Variants in STAMBP observed in about 807,000 individuals in gnomAD.
STAMBP encodes the protein STAM binding protein.
A neutral mutation model predicts 50.7 loss-of-function variants in STAMBP; 31 were observed. That is an observed-to-expected ratio of 0.61 (90% CI 0.46 to 0.83). STAMBP has a LOEUF of 0.83. Ranked by LOEUF, STAMBP falls within the 40% of genes least tolerant of loss-of-function variation. The probability of loss-of-function intolerance (pLI) is 0.00; values close to 1 mark genes in which losing one functional copy is unlikely to be tolerated. For synonymous variants in STAMBP, 211 were observed against 192.4 expected (o/e 1.10, Z -0.80); for missense variants, 472 against 518.9 (o/e 0.91, Z 0.88).
chr2:73,871,578 A>G (rs1277263744), downstream of STAMBP, among the ~76,000 whole-genome samples: 3 of 151,766 alleles, frequency 2.0e-5, no homozygotes, highest in Admixed American at 2.0e-4. Context: ...TTTTAATTGC[A>G]CTGACAGAAA....
intron 8 of STAMBP, 49 bp downstream of exon 8, chr2:73,859,415 A>G: frequency 7.0e-7 from 1 of 1,419,628 alleles, no homozygotes; most frequent in Non-Finnish European, 1.0e-6. Context: ...GTAGTAGGGA[A>G]GAAAGCCTCA....
chr2:73,859,380 G>T lies in STAMBP; in HGVS notation c.1118+14G>T. The T allele has an allele frequency of 6.2e-7, 1 of 1,604,750 alleles. No individual in the cohort carries two copies. The highest frequency in any genetic ancestry group is 8.5e-7 in the Non-Finnish European group (1 of 1,171,548). On this transcript the variant is annotated intron_variant, in intron 8 of 9. Transcript: ENST00000394070. ...CAAGTTCCAGGAGTGAGTATAGAGG[G>T]CATGGTTCTGGGTGTTTCAAGGGGG... is the stretch of plus-strand genomic sequence containing the variant.
intron 9 of STAMBP, among the ~76,000 whole-genome samples, chr2:73,860,939 G>A (rs750546624): frequency 1.3e-5 from 2 of 152,282 alleles, no homozygotes; most frequent in Non-Finnish European, 2.9e-5. Flanking sequence ...AAGGGATTGG[G>A]TATATTTCAC....
intron 2 of STAMBP, among the ~76,000 whole-genome samples, chr2:73,843,616 C>A (rs1274739328): frequency 6.6e-6 from 1 of 151,806 alleles, no homozygotes; most frequent in East Asian, 1.9e-4. Context: ...TTTAAAGAAC[C>A]ATTTTTATTT....
In STAMBP at chr2:73,834,209, TAAAAAAAAAAAAAAAA is replaced by T. The variant is rs1171586160; in HGVS notation, c.203+3163_203+3178del. Among the ~76,000 whole-genome samples, 63 of 8,540 alleles carry T rather than the reference TAAAAAAAAAAAAAAAA, an allele frequency of 7.4e-3. 2 individuals are homozygous for T. Among genetic ancestry groups the T allele is most frequent in the African/African-American group, 0.015 (45 of 2,996 alleles). 5.6% of individuals were successfully genotyped at this position (8,540 alleles called of 152,430 possible). ...CTGGGGACAGAGCAAGATCATGTCT[TAAAAAAAAAAAAAAAA>T]AAAAAAAAAAAATATATATATATAT... On this transcript the variant is annotated intron_variant, in intron 2 of 9. Transcript: ENST00000394070.
At chr2:73,873,231 C>T (rs1679268381) in intron 10 of STAMBP, 1 of 152,194 alleles carries the variant, frequency 6.6e-6, no homozygotes, top group Non-Finnish European at 1.5e-5. Context: ...TATTTAGTGA[C>T]AGTGAGCTCA....
downstream of STAMBP, among the ~76,000 whole-genome samples, chr2:73,869,091 G>C (rs1679093586): frequency 6.6e-6 from 1 of 152,142 alleles, no homozygotes; most frequent in Admixed American, 6.5e-5. Context: ...AAGCAGACAG[G>C]TTTGGGCTAC....
chr2:73,867,896 G>T (rs914990473), downstream of STAMBP, among the ~76,000 whole-genome samples: 3 of 152,036 alleles, frequency 2.0e-5, no homozygotes, highest in African/African-American at 7.2e-5. Context: ...AGGCCGAGGC[G>T]GGTGGATCAC....
At chr2:73,841,935 T>C (rs967160430) in intron 2 of STAMBP, among the ~76,000 whole-genome samples, 2 of 152,230 alleles carry the variant, frequency 1.3e-5, no homozygotes, top group African/African-American at 4.8e-5. Flanking sequence ...AAGCTATTCA[T>C]GTACAGGTCT....
chr2:73,850,536 A>G lies in STAMBP; in HGVS notation c.1005+23A>G. 1 of 1,604,332 alleles carries G rather than the reference A, an allele frequency of 6.2e-7. No homozygotes were observed. The highest frequency in any genetic ancestry group is 8.5e-7 in the Non-Finnish European group (1 of 1,175,122). On this transcript the variant is annotated intron_variant, in intron 7 of 9. Transcript: ENST00000394070. The surrounding 1 kb of genome is among the most constrained non-coding windows in gnomAD (Gnocchi z 4.3). ...CATGTAAGCAATTCTGAGCTGTCCGAGAGTTAGTCTCTGCCTCTCCCATGG... is the reference window on the plus strand; with the variant it reads ...CATGTAAGCAATTCTGAGCTGTCCGGGAGTTAGTCTCTGCCTCTCCCATGG...
In STAMBP at chr2:73,864,509, C is replaced by G. The variant is rs560899729; in HGVS notation, c.*2250C>G. Reference sequence around the variant, plus strand: ...GGAGACGTGGAATCAAGCCAGCCCACAAGCCCTGAGACTGGATAGGCCGGA... The same window carrying G: ...GGAGACGTGGAATCAAGCCAGCCCAGAAGCCCTGAGACTGGATAGGCCGGA... On this transcript the variant is annotated 3_prime_UTR_variant, in exon 10 of 10. Transcript: ENST00000394070. 1.3e-5 allele frequency: 2 copies of G among 152,442 alleles called. No homozygotes were observed. The highest frequency in any genetic ancestry group is 2.9e-5 in the Non-Finnish European group (2 of 68,294). The allele number at this position is 152,442 out of a possible 1,614,324, so 9.4% of individuals were successfully genotyped here.
At chr2:73,870,621 A>G (rs1679164186), downstream of STAMBP, among the ~76,000 whole-genome samples, 1 of 152,228 alleles carries the variant, frequency 6.6e-6, no homozygotes, top group East Asian at 1.9e-4. Context: ...GGTGGGTGAC[A>G]GAAGTGAAAA....
chr2:73,863,122 C>A lies in STAMBP; in HGVS notation c.*863C>A, dbSNP rs1024805129. 1 of 152,202 alleles carries A rather than the reference C, an allele frequency of 6.6e-6. No individual in the cohort carries two copies. The highest frequency in any genetic ancestry group is 1.5e-5 in the Non-Finnish European group (1 of 68,058). 9.4% of individuals were successfully genotyped at this position (152,202 alleles called of 1,614,324 possible). ...TGCTGTCTCAAATGGGTCAACCATT[C>A]ACTTCCTCCTTATGCCCTCCATGCT... On this transcript the variant is annotated 3_prime_UTR_variant, in exon 10 of 10. Coordinates refer to ENST00000394070, the MANE Select transcript of STAMBP (RefSeq NM_213622.4).
At position 73,847,870 on chromosome 2, in the gene STAMBP, A is replaced by T. The variant is rs866104287; in HGVS notation, c.742+117A>T. 4 of 1,333,124 alleles carry T rather than the reference A, an allele frequency of 3.0e-6. No individual in the cohort carries two copies. In the African/African-American group the frequency reaches 5.8e-5, roughly 19 times the overall value. The allele number at this position is 1,333,124 out of a possible 1,614,324, so 82.6% of individuals were successfully genotyped here. A position where few individuals can be genotyped will look rare whatever the true frequency, so the allele number is the denominator to read the frequency against. ...CACTCATTAAGCTTTGGTCACAGAA[A>T]CCCATCTGATAAGTATTGCTGTACT... On this transcript the variant is annotated intron_variant, in intron 5 of 9. Transcript: ENST00000394070.
Position 73,845,146 on chromosome 2 carries a change from AT to A in STAMBP, c.280-17del. ...AATTTTCTGGCATTGTTCTAATTCT[AT>A]TTTCTGTTTTGTGTCTCAGAAATTA... On this transcript the variant is annotated intron_variant, in intron 3 of 9. Coordinates refer to ENST00000394070, the MANE Select transcript of STAMBP (RefSeq NM_213622.4). 3 of 1,610,412 alleles carry A rather than the reference AT, an allele frequency of 1.9e-6. No individual in the cohort carries two copies. The highest frequency in any genetic ancestry group is 2.5e-6 in the Non-Finnish European group (3 of 1,177,760).
chr2:73,834,226 AAAAAAAAAAAATATAT>A (rs1674350553), intron 2 of STAMBP, among the ~76,000 whole-genome samples: 1 of 23,882 alleles, frequency 4.2e-5, no homozygotes, highest in Admixed American at 7.4e-4. Flanking sequence ...AAAAAAAAAA[AAAAAAAAAAAATATAT>A]ATATATATAT....
At chr2:73,857,638 G>A (rs1001401722) in intron 7 of STAMBP, among the ~76,000 whole-genome samples, 1 of 152,140 alleles carries the variant, frequency 6.6e-6, no homozygotes, top group African/African-American at 2.4e-5. Context: ...GAGCTAGGAC[G>A]GCATGCGCTT....
chr2:73,847,353 G>A (rs1676247925), intron 4 of STAMBP, 34 bp from the exon 5 acceptor site: 2 of 1,559,782 alleles, frequency 1.3e-6, no homozygotes, highest in African/African-American at 2.7e-5. Flanking sequence ...TCACTGAGGT[G>A]TGAAGTGTTA....
At chr2:73,846,613 G>A (rs568207084) in intron 4 of STAMBP, among the ~76,000 whole-genome samples, 4 of 147,224 alleles carry the variant, frequency 2.7e-5, no homozygotes, top group African/African-American at 1.0e-4. Flanking sequence ...GTGACAGAGT[G>A]AGACTCTCTA....
Sources: gnomAD v4.1 joint callset for allele counts (sites outside exome capture counted in the v4.1 genomes callset) on GRCh38, gnomAD v4.1.1 for gene constraint, Gnocchi (gnomAD v3.1) non-coding constraint, MANE v1.5 for transcripts, NCBI Gene and HGNC (gene_info 2026-07-23, HGNC 2026-07-21) for gene names.